DRC4: variants seen among roughly 807,000 people sequenced by gnomAD.
DRC4 encodes the protein dynein regulatory complex subunit 4, also known as GAS-11.
the DRC4 span, chr16:90,036,179 C>T: frequency 1.7e-5 from 10 of 597,188 alleles, no homozygotes; most frequent in Non-Finnish European, 2.3e-5. Context: ...AAAGGCAGGC[C>T]GACAGTGGTG....
At chr16:90,031,509 G>A in the DRC4 span, 46 of 1,548,370 alleles carry the variant, frequency 3.0e-5, no homozygotes, top group African/African-American at 2.7e-4. Context: ...GAGTGGGGCC[G>A]GCCTGCACGT....
chr16:90,040,652 A>T, the DRC4 span: 6 of 312,014 alleles, frequency 1.9e-5, no homozygotes, highest in East Asian at 3.5e-5. Context: ...TCCTGTGGCC[A>T]GTTTCGGGCC....
At chr16:90,037,680 G>A in the DRC4 span, 7 of 1,381,266 alleles carry the variant, frequency 5.1e-6, no homozygotes, top group South Asian at 8.2e-5. Context: ...TTTTGGCCTT[G>A]CCATCTCCCA....
At chr16:90,044,465 T>C in the DRC4 span, 1 of 469,754 alleles carries the variant, frequency 2.1e-6, no homozygotes, top group Non-Finnish European at 4.4e-6. Flanking sequence ...CAGTGAGTCA[T>C]GAGCCTCAGC....
chr16:90,019,798 C>T, the DRC4 span: 1,385 of 688,326 alleles, frequency 2.0e-3, 27 homozygotes, highest in East Asian at 0.027. The surrounding 1 kb of genome is among the most constrained non-coding windows in gnomAD (Gnocchi z 6.1). Context: ...CGACTGTGTG[C>T]GGGCGCCCCT....
the DRC4 span, chr16:90,029,329 G>A: frequency 2.2e-6 from 3 of 1,362,332 alleles, no homozygotes; most frequent in East Asian, 1.4e-4. Flanking sequence ...CCCCGCAGCA[G>A]AGGACAGTTT....
the DRC4 span, among the ~76,000 whole-genome samples, chr16:90,028,299 C>T: frequency 6.6e-6 from 1 of 150,550 alleles, no homozygotes; most frequent in Non-Finnish European, 1.5e-5. Flanking sequence ...ATTCTCCTGC[C>T]TCAGCCTCCC....
the DRC4 span, chr16:90,035,663 A>G: frequency 6.2e-7 from 1 of 1,614,092 alleles, no homozygotes. Context: ...CAGGATGCGG[A>G]ATGATTTTGA....
At chr16:90,036,608 G>T in the DRC4 span, 1 of 1,554,294 alleles carries the variant, frequency 6.4e-7, no homozygotes, top group East Asian at 2.4e-5. Context: ...GGGCTGGGCT[G>T]GGGAGGCACA....
chr16:90,040,620 T>A, the DRC4 span: 1 of 1,071,722 alleles, frequency 9.3e-7, no homozygotes, highest in Non-Finnish European at 1.3e-6. Context: ...GGTCGGCCAC[T>A]GAGGAGGGGC....
the DRC4 span, among the ~76,000 whole-genome samples, chr16:90,028,463 C>T: frequency 9.2e-5 from 14 of 152,154 alleles, no homozygotes; most frequent in African/African-American, 2.7e-4. Flanking sequence ...GCTGGGATTA[C>T]AGGCATGAGC....
the DRC4 span, chr16:90,031,396 G>T: frequency 6.2e-7 from 1 of 1,613,922 alleles, no homozygotes; most frequent in Non-Finnish European, 8.5e-7. Flanking sequence ...CACACCTTCT[G>T]GGAGATCACA....
the DRC4 span, chr16:90,043,111 G>C: frequency 6.9e-6 from 10 of 1,441,512 alleles, no homozygotes; most frequent in Non-Finnish European, 9.4e-6. Flanking sequence ...TGATGCTCAC[G>C]CTGCCCCTCC....
At chr16:90,039,550 T>C in the DRC4 span, among the ~76,000 whole-genome samples, 1 of 151,838 alleles carries the variant, frequency 6.6e-6, no homozygotes, top group African/African-American at 2.4e-5. Context: ...CACGCCCGGC[T>C]AATGTTTGGT....
chr16:90,024,134 ACACACT>A, the DRC4 span, among the ~76,000 whole-genome samples: 159 of 144,540 alleles, frequency 1.1e-3, no homozygotes, highest in African/African-American at 3.7e-3. Context: ...ACACACACAC[ACACACT>A]CACACACACA....
chr16:90,022,596 CGGCGGAGTCTCGCGA>C, the DRC4 span: 1 of 1,116,718 alleles, frequency 9.0e-7, no homozygotes, highest in Non-Finnish European at 1.2e-6. Context: ...GGCCGCTGCC[CGGCGGAGTCTCGCGA>C]GGATCTTGTG....
the DRC4 span, chr16:90,029,228 C>T: frequency 3.6e-6 from 4 of 1,099,482 alleles, no homozygotes; most frequent in South Asian, 2.1e-5. Flanking sequence ...CAGGCCCTTG[C>T]ACTGCACATC....
chr16:90,037,151 C>A, the DRC4 span: 1 of 1,419,460 alleles, frequency 7.0e-7, no homozygotes, highest in Non-Finnish European at 9.4e-7. Flanking sequence ...GGCAGGAGAG[C>A]ACCCAGCTCT....
chr16:90,033,109 A>G, the DRC4 span, among the ~76,000 whole-genome samples: 1 of 152,200 alleles, frequency 6.6e-6, no homozygotes, highest in African/African-American at 2.4e-5. Flanking sequence ...CCATTTTGGG[A>G]CCAAGTACAC....
Sources: gnomAD v4.1 joint callset for allele counts (sites outside exome capture counted in the v4.1 genomes callset) on GRCh38, gnomAD v4.1.1 for gene constraint, Gnocchi (gnomAD v3.1) non-coding constraint, MANE v1.5 for transcripts, NCBI Gene and HGNC (gene_info 2026-07-23, HGNC 2026-07-21) for gene names.